PTPRD: variants seen among roughly 807,000 people sequenced by gnomAD.
The protein encoded by PTPRD is protein tyrosine phosphatase receptor type D.
PTPRD carries 34 observed loss-of-function variants against 214.5 expected under a neutral mutation model. That is an observed-to-expected ratio of 0.16 (90% CI 0.12 to 0.21). The LOEUF is 0.21. Ranked by LOEUF, PTPRD falls within the 10% of genes least tolerant of loss-of-function variation. PTPRD has a pLI of 1.00. For missense variants in PTPRD, 2,545 were observed against 2,398.7 expected, an observed-to-expected ratio of 1.06 and a Z score of -1.27; for synonymous variants, 1,128 against 845.7, an observed-to-expected ratio of 1.33 and a Z score of -5.79.
intron 5 of PTPRD, among the ~76,000 whole-genome samples, chr9:9,825,236 C>G (rs2052329901): frequency 6.6e-6 from 1 of 151,370 alleles, no homozygotes. Flanking sequence ...ATTTTATTTA[C>G]TAGTTTTCAA....
At chr9:9,902,619 G>C (rs1297023001) in intron 5 of PTPRD, among the ~76,000 whole-genome samples, 2 of 152,082 alleles carry the variant, frequency 1.3e-5, no homozygotes, top group African/African-American at 4.8e-5. Flanking sequence ...CACCTGACTA[G>C]CACCATGTAT....
At chr9:10,412,618 GCACACACACACACAAA>G (rs1160231651) in intron 2 of PTPRD, among the ~76,000 whole-genome samples, 1 of 91,540 alleles carries the variant, frequency 1.1e-5, no homozygotes, top group African/African-American at 4.6e-5. Context: ...ACACACGCAC[GCACACACACACACAAA>G]CACACACACA....
chr9:9,581,793 A>C (rs556408637), intron 7 of PTPRD, among the ~76,000 whole-genome samples: 1 of 152,296 alleles, frequency 6.6e-6, no homozygotes, highest in Non-Finnish European at 1.5e-5. Flanking sequence ...TATCCTATGA[A>C]TAATGTATGT....
intron 10 of PTPRD, among the ~76,000 whole-genome samples, chr9:9,113,909 C>A (rs1293639764): frequency 6.6e-6 from 1 of 152,026 alleles, no homozygotes; most frequent in Non-Finnish European, 1.5e-5. Context: ...TTAGTATTCA[C>A]CAAAAAATGC....
chr9:8,426,293 G>C (rs1309295576), intron 35 of PTPRD, among the ~76,000 whole-genome samples: 1 of 152,138 alleles, frequency 6.6e-6, no homozygotes, highest in Non-Finnish European at 1.5e-5. Flanking sequence ...GGATCAAGCA[G>C]CGTAGCTACT....
rs540003926 is a variant in PTPRD at position 8,668,708 on chromosome 9, T to A, written c.65-31864A>T. Reference sequence around the variant, plus strand: ...TTGGAAAATTGCAATGTATATGCACTGTGTTAAGTGATTCATAACTGTCTT... The same window carrying A: ...TTGGAAAATTGCAATGTATATGCACAGTGTTAAGTGATTCATAACTGTCTT... On this transcript the variant is annotated intron_variant, in intron 12 of 45. Transcript: ENST00000381196. 2.0e-5 allele frequency among the ~76,000 whole-genome samples: 3 copies of A among 152,344 alleles called. No individual in the cohort carries two copies. In the East Asian group the frequency reaches 5.8e-4, roughly 29 times the overall value.
intron 2 of PTPRD, among the ~76,000 whole-genome samples, chr9:10,570,039 T>C (rs974778257): frequency 1.3e-5 from 2 of 152,104 alleles, no homozygotes; most frequent in African/African-American, 4.8e-5. Context: ...AAAACTATGA[T>C]CTTTGTCAAA....
At chr9:8,539,424 C>G (rs983187272) in intron 14 of PTPRD, among the ~76,000 whole-genome samples, 1 of 151,632 alleles carries the variant, frequency 6.6e-6, no homozygotes, top group Non-Finnish European at 1.5e-5. Context: ...TTGCTGTATT[C>G]TAAGCACGGT....
chr9:10,139,470 A>C (rs1232093662), intron 3 of PTPRD, among the ~76,000 whole-genome samples: 3 of 152,124 alleles, frequency 2.0e-5, no homozygotes, highest in Non-Finnish European at 2.9e-5. Context: ...TAAAGATTCA[A>C]TGGTATTCCT....
chr9:8,447,239 C>T (rs1459164898), intron 34 of PTPRD, among the ~76,000 whole-genome samples: 1 of 152,134 alleles, frequency 6.6e-6, no homozygotes, highest in Non-Finnish European at 1.5e-5. Context: ...TCTACTACAG[C>T]TCCTCTCTTA....
chr9:9,522,047 C>T (rs1018652021), intron 8 of PTPRD, among the ~76,000 whole-genome samples: 5 of 150,868 alleles, frequency 3.3e-5, no homozygotes, highest in African/African-American at 7.3e-5. Context: ...ATGCCAGCTA[C>T]TCGGGAGGCT....
chr9:10,024,919 T>C (rs1488026413), intron 4 of PTPRD, among the ~76,000 whole-genome samples: 17 of 151,694 alleles, frequency 1.1e-4, no homozygotes, highest in Non-Finnish European at 1.9e-4. Flanking sequence ...CTGAGAATGG[T>C]GGTTTCCAGC....
intron 39 of PTPRD, among the ~76,000 whole-genome samples, chr9:8,355,201 C>T (rs2076667969): frequency 6.6e-6 from 1 of 152,084 alleles, no homozygotes; most frequent in South Asian, 2.1e-4. Context: ...TCCTGTCTCT[C>T]TCTTGCTCCC....
At chr9:9,661,602 A>G (rs1028654947) in intron 7 of PTPRD, among the ~76,000 whole-genome samples, 2 of 151,856 alleles carry the variant, frequency 1.3e-5, no homozygotes, top group South Asian at 2.1e-4. Flanking sequence ...TTGTCTTTCC[A>G]TCACTGCAAG....
intron 9 of PTPRD, among the ~76,000 whole-genome samples, chr9:9,272,140 C>G (rs1406143554): frequency 6.6e-6 from 1 of 151,078 alleles, no homozygotes; most frequent in Non-Finnish European, 1.5e-5. Context: ...TTCTAAAAGT[C>G]TGCAGTGTAT....
At chr9:9,095,122 A>G (rs919648280) in intron 10 of PTPRD, among the ~76,000 whole-genome samples, 3 of 152,156 alleles carry the variant, frequency 2.0e-5, no homozygotes, top group African/African-American at 7.2e-5. Context: ...GTAATTATAT[A>G]TATTAAAAAA....
intron 11 of PTPRD, among the ~76,000 whole-genome samples, chr9:9,007,898 G>C (rs7467285): frequency 0.14 from 13,146 of 92,548 alleles, 814 homozygotes; most frequent in Non-Finnish European, 0.2. Context: ...TTTTTTTTTT[G>C]TTTTTGAAAT....
chr9:10,177,172 C>T (rs562324448), intron 3 of PTPRD, among the ~76,000 whole-genome samples: 6 of 151,924 alleles, frequency 3.9e-5, no homozygotes, highest in Non-Finnish European at 4.4e-5. Flanking sequence ...TTGGTTTCAT[C>T]GTGGAGTGCT....
At chr9:9,353,070 C>T (rs920229548) in intron 9 of PTPRD, among the ~76,000 whole-genome samples, 1 of 151,730 alleles carries the variant, frequency 6.6e-6, no homozygotes, top group Non-Finnish European at 1.5e-5. Flanking sequence ...ATGTGGGAGC[C>T]CTCTGGTGGC....
Sources: allele counts gnomAD v4.1 joint callset (sites outside exome capture counted in the v4.1 genomes callset), GRCh38; gene constraint gnomAD v4.1.1; transcripts MANE v1.5; gene names NCBI Gene and HGNC (gene_info 2026-07-23, HGNC 2026-07-21).